Variants in TCF4 observed in about 807,000 individuals in gnomAD.
TCF4 encodes SL3-3 enhancer factor 2.
A neutral mutation model predicts 82.1 loss-of-function variants in TCF4; 3 were observed. That is an observed-to-expected ratio of 0.04 (90% CI 0.02 to 0.09). The LOEUF is 0.09. Among genes scored for constraint, TCF4 ranks in the 10% least tolerant of loss-of-function variants. The pLI, the probability that TCF4 is intolerant of heterozygous loss-of-function variation, is 1.00. For synonymous variants in TCF4, 276 were observed against 309.6 expected, an observed-to-expected ratio of 0.89 and a Z score of 1.14; for missense variants, 518 against 852.7, an observed-to-expected ratio of 0.61 and a Z score of 4.89.
intron 6 of TCF4, among the ~76,000 whole-genome samples, chr18:55,399,853 ATC>A (rs35948563): frequency 0.023 from 1,881 of 83,572 alleles, 19 homozygotes; most frequent in South Asian, 0.047. Flanking sequence ...CTCTCTCCCC[ATC>A]TCTCTCTCTC....
intron 3 of TCF4, among the ~76,000 whole-genome samples, chr18:55,560,006 T>C (rs932925160): frequency 2.0e-5 from 3 of 152,190 alleles, no homozygotes; most frequent in Non-Finnish European, 4.4e-5. Context: ...CCATTGTCTC[T>C]TAACAAGAAA....
At chr18:55,331,944 C>T (rs549650505) in intron 8 of TCF4, 4 of 152,298 alleles carry the variant, frequency 2.6e-5, no homozygotes, top group East Asian at 3.9e-4. Flanking sequence ...AGCGTGGCTA[C>T]TCTCTCAATA....
At chr18:55,323,448 C>G (rs915989439) in intron 8 of TCF4, among the ~76,000 whole-genome samples, 1 of 152,132 alleles carries the variant, frequency 6.6e-6, no homozygotes, top group Non-Finnish European at 1.5e-5. Context: ...AGTTTCCCCA[C>G]TCTCTAAAAT....
chr18:55,424,713 A>G (rs1254762968), intron 5 of TCF4, among the ~76,000 whole-genome samples: 2 of 152,178 alleles, frequency 1.3e-5, no homozygotes, highest in Non-Finnish European at 2.9e-5. Context: ...TGATCCAATG[A>G]ATTATTTAAT....
chr18:55,298,768 A>G (rs1209907291), intron 8 of TCF4, among the ~76,000 whole-genome samples: 2 of 152,350 alleles, frequency 1.3e-5, no homozygotes, highest in East Asian at 3.9e-4. Flanking sequence ...CATTGTATGA[A>G]GATTATGAAA....
chr18:55,476,451 T>C (rs1440116844), intron 3 of TCF4, among the ~76,000 whole-genome samples: 2 of 151,788 alleles, frequency 1.3e-5, no homozygotes, highest in Non-Finnish European at 2.9e-5. Context: ...GAAGCCCTCG[T>C]TGTTTTTTTG....
chr18:55,498,560 A>G (rs894912492), intron 3 of TCF4, among the ~76,000 whole-genome samples: 3 of 152,220 alleles, frequency 2.0e-5, no homozygotes, highest in Non-Finnish European at 2.9e-5. Context: ...AGACTTCGCC[A>G]TAAGATACGG....
Position 55,234,395 on chromosome 18 carries a change from A to AAATACTTTG in TCF4, c.1486+144_1486+152dup, listed in dbSNP as rs2048767626. ...AAACACAATTAGCGGGCGAAGTTCT[A>AAATACTTTG]AATACTTTGCCATTTCCTTACCATT... On this transcript the variant is annotated intron_variant, in intron 16 of 19. Coordinates refer to ENST00000354452, the MANE Select transcript of TCF4 (RefSeq NM_001083962.2). 2.9e-6 allele frequency: 3 copies of AAATACTTTG among 1,046,446 alleles called. No homozygotes were observed. In the African/African-American group the frequency reaches 4.8e-5, roughly 17 times the overall value. The allele number at this position is 1,046,446 out of a possible 1,614,324, so 64.8% of individuals were successfully genotyped here. A position where few individuals can be genotyped will look rare whatever the true frequency, so the allele number is the denominator to read the frequency against.
At chr18:55,403,289 T>C (rs892152591) in intron 6 of TCF4, among the ~76,000 whole-genome samples, 165 bp downstream of exon 6, 8 of 152,202 alleles carry the variant, frequency 5.3e-5, no homozygotes, top group African/African-American at 1.4e-4. Flanking sequence ...AGGTGTTTAT[T>C]AGTTCTAAGC....
intron 8 of TCF4, among the ~76,000 whole-genome samples, chr18:55,329,969 C>CGAGTG (rs2077225056): frequency 6.6e-6 from 1 of 152,136 alleles, no homozygotes. Flanking sequence ...CCCTTACTGC[C>CGAGTG]GAGTGGGTTG....
intron 8 of TCF4, among the ~76,000 whole-genome samples, chr18:55,330,400 G>C (rs973712300): frequency 1.3e-5 from 2 of 151,950 alleles, no homozygotes; most frequent in Non-Finnish European, 2.9e-5. Flanking sequence ...GGATGGTCTC[G>C]ATCTCTTGAC....
chr18:55,564,328 T>G (rs555191208), intron 3 of TCF4, among the ~76,000 whole-genome samples: 1 of 152,282 alleles, frequency 6.6e-6, no homozygotes, highest in Non-Finnish European at 1.5e-5. Context: ...AGAAAAACAT[T>G]GAAGCTGGGA....
At chr18:55,350,780 G>T in intron 7 of TCF4, 94 bp downstream of exon 7, 1 of 1,564,100 alleles carries the variant, frequency 6.4e-7, no homozygotes, top group Non-Finnish European at 8.7e-7. Flanking sequence ...CTTGGGGTGG[G>T]AGGTAGGATG....
intron 6 of TCF4, chr18:55,401,843 A>G: frequency 1.1e-6 from 1 of 946,814 alleles, no homozygotes; most frequent in East Asian, 1.2e-4. Context: ...AAAGGGGCCC[A>G]GCGAAAACAG....
At chr18:55,621,437 AAT>A (rs1237908331) in intron 2 of TCF4, among the ~76,000 whole-genome samples, 2 of 118,422 alleles carry the variant, frequency 1.7e-5, no homozygotes, top group African/African-American at 3.2e-5. Flanking sequence ...AATATATAAA[AAT>A]ATATATATAA....
chr18:55,339,293 A>G (rs967736278), intron 8 of TCF4, among the ~76,000 whole-genome samples: 1 of 152,222 alleles, frequency 6.6e-6, no homozygotes, highest in Non-Finnish European at 1.5e-5. Flanking sequence ...ATGAACTGTG[A>G]GTGGAGAAGT....
chr18:55,295,418 A>C (rs900545132), intron 8 of TCF4, among the ~76,000 whole-genome samples: 1 of 152,042 alleles, frequency 6.6e-6, no homozygotes, highest in Non-Finnish European at 1.5e-5. Context: ...TTCCACACTC[A>C]CTACTTCAAT....
chr18:55,268,546 A>C (rs1439591372), intron 11 of TCF4: 1 of 152,136 alleles, frequency 6.6e-6, no homozygotes, highest in Non-Finnish European at 1.5e-5. Context: ...CTCTCTCCTC[A>C]ATTTGCTTCT....
At chr18:55,288,552 C>T (rs1380733251) in intron 8 of TCF4, among the ~76,000 whole-genome samples, 3 of 152,292 alleles carry the variant, frequency 2.0e-5, no homozygotes, top group East Asian at 1.9e-4. Flanking sequence ...ATTCTCTCCG[C>T]GGTGCTCATG....
Sources: allele counts gnomAD v4.1 joint callset (sites outside exome capture counted in the v4.1 genomes callset), GRCh38; gene constraint gnomAD v4.1.1; transcripts MANE v1.5; gene names NCBI Gene and HGNC (gene_info 2026-07-23, HGNC 2026-07-21).